The following POSTN variants were observed in gnomAD, a reference collection of about 807,000 sequenced individuals.
The protein encoded by POSTN is periostin.
A neutral mutation model predicts 104.5 loss-of-function variants in POSTN; 71 were observed. The observed-to-expected ratio is 0.68, with a 90% CI of 0.56 to 0.83. The LOEUF (loss-of-function observed/expected upper bound fraction) is 0.83. Among genes scored for constraint, POSTN ranks in the 40% least tolerant of loss-of-function variants. The pLI, the probability that POSTN is intolerant of heterozygous loss-of-function variation, is 0.00. For missense variants in POSTN, 949 were observed against 1,006.8 expected (o/e 0.94, Z 0.78); for synonymous variants, 355 against 340.7 (o/e 1.04, Z -0.46).
At chr13:37,571,104 T>TC (rs1205431960) in intron 18 of POSTN, 1 of 370,614 alleles carries the variant, frequency 2.7e-6, no homozygotes, top group East Asian at 4.7e-5. Context: ...TATTCCACAA[T>TC]CCTCACTTGT....
At chr13:37,590,040 T>G (rs1950880996) in intron 4 of POSTN, among the ~76,000 whole-genome samples, 2 of 152,180 alleles carry the variant, frequency 1.3e-5, no homozygotes, top group Non-Finnish European at 2.9e-5. Flanking sequence ...TTAACTTACC[T>G]TTCTGTTAGA....
At chr13:37,569,696 T>A (rs2138173755) in intron 20 of POSTN, 48 bp downstream of exon 20, 1 of 1,309,722 alleles carries the variant, frequency 7.6e-7, no homozygotes, top group East Asian at 2.3e-5. Context: ...GACTTGTATA[T>A]GGATAGCTTA....
chr13:37,574,713 T>G, intron 16 of POSTN, 61 bp from the exon 17 acceptor site: 2 of 1,498,964 alleles, frequency 1.3e-6, no homozygotes, highest in East Asian at 2.4e-5. Flanking sequence ...CAAAGGTTTT[T>G]TTTTTTTTTC....
chr13:37,588,557 T>A (rs1950827170), intron 4 of POSTN, among the ~76,000 whole-genome samples: 1 of 152,082 alleles, frequency 6.6e-6, no homozygotes, highest in African/African-American at 2.4e-5. Context: ...GAGTAAGATA[T>A]AGGACAGAGG....
In POSTN at chr13:37,579,743, C is replaced by T. The variant is rs901058996; in HGVS notation, c.1660+118G>A. ...TGGACGAAATAAAAGGAAACTAAAG[C>T]TAACCATGAATACCAGAGAGGGGGC... On this transcript the variant is annotated intron_variant, in intron 12 of 22. Coordinates refer to ENST00000379747, the MANE Select transcript of POSTN (RefSeq NM_006475.3). 3.4e-6 allele frequency: 4 copies of T among 1,166,648 alleles called. No homozygotes were observed. The Admixed American group carries it at 1.1e-4, about 32-fold the overall frequency. 72.3% of individuals were successfully genotyped at this position (1,166,648 alleles called of 1,614,324 possible). A position where few individuals can be genotyped will look rare whatever the true frequency, so the allele number is the denominator to read the frequency against.
At chr13:37,586,953 G>A in intron 5 of POSTN, 25 bp from the exon 6 acceptor site, 1 of 1,609,970 alleles carries the variant, frequency 6.2e-7, no homozygotes, top group Non-Finnish European at 8.5e-7. Context: ...AAAAATCAAA[G>A]TGCTGAAACC....
intron 17 of POSTN, among the ~76,000 whole-genome samples, chr13:37,573,748 A>G (rs1055803674): frequency 5.3e-5 from 8 of 151,610 alleles, no homozygotes; most frequent in Admixed American, 6.6e-5. Context: ...AAGTTGCTAC[A>G]TTAAGATGCT....
intron 2 of POSTN, among the ~76,000 whole-genome samples, chr13:37,592,805 T>C (rs999591636): frequency 2.6e-5 from 4 of 152,174 alleles, no homozygotes; most frequent in African/African-American, 9.7e-5. Context: ...TAATATCTAC[T>C]CACAGAGTAA....
At chr13:37,575,272 A>G (rs1056814579) in intron 16 of POSTN, among the ~76,000 whole-genome samples, 4 of 151,246 alleles carry the variant, frequency 2.6e-5, no homozygotes, top group Admixed American at 2.0e-4. Context: ...CTTTGTTATC[A>G]CTATCCTTTT....
intron 16 of POSTN, among the ~76,000 whole-genome samples, chr13:37,575,383 G>A (rs2138223047): frequency 6.6e-6 from 1 of 151,546 alleles, no homozygotes. Context: ...TGGGTGATGG[G>A]TTCACTAGAA....
At chr13:37,592,497 G>A (rs1319670972) in intron 2 of POSTN, among the ~76,000 whole-genome samples, 1 of 151,906 alleles carries the variant, frequency 6.6e-6, no homozygotes, top group African/African-American at 2.4e-5. Context: ...ATGGGGTTTC[G>A]CCGTGCTAGC....
In POSTN at chr13:37,584,844, T is replaced by C; in HGVS notation, c.980A>G (p.Asn327Ser). Residue 327 changes from asparagine to serine, a missense_variant, in exon 8 of 23, where the codon AAT (asparagine) becomes AGT (serine). Asn to Ser is a conservative substitution (Grantham distance 46). Transcript: ENST00000379747. ...ACCGTCACATCCTATCTCAATTGTA[T>C]TTCCTTCCAGCGTCTCAAAGACTGC... ...GGAVFETLEG[N>S]TIEIGCDGDS... is the part of the protein sequence containing the mutation. 1 of 1,613,938 alleles carries C rather than the reference T, an allele frequency of 6.2e-7. No individual in the cohort carries two copies. Among genetic ancestry groups the C allele is most frequent in the East Asian group, 2.2e-5 (1 of 44,840 alleles).
chr13:37,584,252 AAG>A, intron 8 of POSTN, 149 bp from the exon 9 acceptor site: 1 of 979,590 alleles, frequency 1.0e-6, no homozygotes, highest in Non-Finnish European at 1.5e-6. Context: ...CCTCCCTAAT[AAG>A]AGAGTTCCAC....
intron 22 of POSTN, among the ~76,000 whole-genome samples, chr13:37,563,827 G>A (rs1352649606): frequency 6.6e-6 from 1 of 151,806 alleles, no homozygotes; most frequent in African/African-American, 2.4e-5. Context: ...GCTTCCACAA[G>A]GGAAATTCTT....
intron 9 of POSTN, among the ~76,000 whole-genome samples, chr13:37,582,890 A>C (rs1045245838): frequency 3.9e-5 from 6 of 152,198 alleles, no homozygotes; most frequent in Non-Finnish European, 7.4e-5. Flanking sequence ...ATCCTTTGTA[A>C]ATTAATCTTG....
chr13:37,579,658 C>T (rs1447269940), intron 12 of POSTN, among the ~76,000 whole-genome samples: 1 of 152,092 alleles, frequency 6.6e-6, no homozygotes, highest in African/African-American at 2.4e-5. Flanking sequence ...ACATCTAGCC[C>T]AACAACATAA....
chr13:37,564,704 T>C (rs1950039194), intron 21 of POSTN, 144 bp from the exon 22 acceptor site: 2 of 472,570 alleles, frequency 4.2e-6, no homozygotes, highest in Non-Finnish European at 7.6e-6. Flanking sequence ...AATTTTATGA[T>C]CCTCAGAGTT....
Position 37,586,767 on chromosome 13 carries a change from T to C in POSTN, c.753+15A>G. 1 of 1,602,848 alleles carries C rather than the reference T, an allele frequency of 6.2e-7. No homozygotes were observed. On this transcript the variant is annotated intron_variant, in intron 6 of 22. Transcript: ENST00000379747. Reference sequence around the variant, plus strand: ...GGGATTTCAATGACTCAAGACAATCTGCTCTTGGACTTACTCTAAAAGATG... The same window carrying C: ...GGGATTTCAATGACTCAAGACAATCCGCTCTTGGACTTACTCTAAAAGATG...
chr13:37,570,080 A>G (rs189138091), intron 19 of POSTN, among the ~76,000 whole-genome samples: 5 of 152,036 alleles, frequency 3.3e-5, no homozygotes, highest in Admixed American at 3.3e-4. Flanking sequence ...TACTTAAAGA[A>G]TAGCTGAATT....
Sources: gnomAD v4.1 joint callset for allele counts (sites outside exome capture counted in the v4.1 genomes callset) on GRCh38, gnomAD v4.1.1 for gene constraint, MANE v1.5 for transcripts, NCBI Gene and HGNC (gene_info 2026-07-23, HGNC 2026-07-21) for gene names.